EPHA6: variants seen among roughly 807,000 people sequenced by gnomAD.
EPHA6 encodes the protein EPH receptor A6, also known as ephrin type-A receptor 6.
In EPHA6, 50 loss-of-function variants were observed where a neutral mutation model predicts 112.0. The observed-to-expected ratio is 0.45, with a 90% CI of 0.36 to 0.56. The LOEUF (loss-of-function observed/expected upper bound fraction) is 0.56. EPHA6 is among the 20% of genes least tolerant of loss of function. The probability of loss-of-function intolerance (pLI) is 0.00; values close to 1 mark genes in which losing one functional copy is unlikely to be tolerated. For synonymous variants in EPHA6, 529 were observed against 490.7 expected, an observed-to-expected ratio of 1.08 and a Z score of -1.03; for missense variants, 1,280 against 1,417.4, an observed-to-expected ratio of 0.90 and a Z score of 1.56.
chr3:97,368,590 T>G (rs919025655), intron 5 of EPHA6, among the ~76,000 whole-genome samples: 4 of 152,192 alleles, frequency 2.6e-5, no homozygotes, highest in African/African-American at 9.6e-5. Flanking sequence ...TACACTTATT[T>G]ATCGAAGAAT....
chr3:97,012,303 C>T (rs557791459), intron 3 of EPHA6, among the ~76,000 whole-genome samples: 326 of 151,522 alleles, frequency 2.2e-3, no homozygotes, highest in African/African-American at 7.5e-3. Context: ...TTCTTTGCAG[C>T]CTCACCAGCA....
intron 6 of EPHA6, among the ~76,000 whole-genome samples, chr3:97,423,143 G>A (rs1040008046): frequency 2.4e-4 from 36 of 152,178 alleles, no homozygotes; most frequent in African/African-American, 2.4e-5. Flanking sequence ...ACTACTGGAA[G>A]TAGCAGCTAG....
In EPHA6 at chr3:97,502,030, A is replaced by G. The variant is rs545701622; in HGVS notation, c.2200+17971A>G. On this transcript the variant is annotated intron_variant, in intron 10 of 17. Transcript: ENST00000389672. ...CAAGACAAGATGATGGATCCTCACG[A>G]CATTACCCCCTATACCCAGGGCTTA... Among the ~76,000 whole-genome samples, 20 of 152,058 alleles carry G rather than the reference A, an allele frequency of 1.3e-4. No individual in the cohort carries two copies. In the South Asian group the frequency reaches 4.2e-3, roughly 32 times the overall value.
intron 14 of EPHA6, among the ~76,000 whole-genome samples, chr3:97,656,889 T>C (rs1409079876): frequency 6.6e-6 from 1 of 151,962 alleles, no homozygotes; most frequent in Admixed American, 6.6e-5. Context: ...TTTGCTTCTT[T>C]AAACTTGCAA....
At chr3:97,694,299 T>C (rs2032873007) in intron 14 of EPHA6, among the ~76,000 whole-genome samples, 1 of 151,940 alleles carries the variant, frequency 6.6e-6, no homozygotes, top group South Asian at 2.1e-4. Flanking sequence ...TGCAATGGCG[T>C]GATCTCGGCT....
chr3:96,841,543 T>A (rs1013911128), intron 1 of EPHA6, among the ~76,000 whole-genome samples: 1 of 152,026 alleles, frequency 6.6e-6, no homozygotes, highest in Non-Finnish European at 1.5e-5. Flanking sequence ...TGTGTTACAT[T>A]AAGTGCCAGT....
At chr3:97,350,046 T>C (rs1166051572) in intron 5 of EPHA6, among the ~76,000 whole-genome samples, 2 of 151,904 alleles carry the variant, frequency 1.3e-5, no homozygotes, top group African/African-American at 4.8e-5. Flanking sequence ...GTAACTCCCA[T>C]GGTTTGTTTC....
intron 4 of EPHA6, among the ~76,000 whole-genome samples, chr3:97,226,657 T>C (rs2078365361): frequency 1.3e-5 from 2 of 152,214 alleles, no homozygotes; most frequent in African/African-American, 4.8e-5. Context: ...ATGCCAGCAC[T>C]GGTTTGAGGC....
At chr3:97,276,113 G>T (rs1250829455) in intron 5 of EPHA6, among the ~76,000 whole-genome samples, 1 of 152,106 alleles carries the variant, frequency 6.6e-6, no homozygotes, top group Admixed American at 6.5e-5. Flanking sequence ...TGAAAAGAAG[G>T]TAATATGGAA....
intron 1 of EPHA6, among the ~76,000 whole-genome samples, chr3:96,847,477 A>G (rs901664840): frequency 2.0e-5 from 3 of 152,026 alleles, no homozygotes; most frequent in Non-Finnish European, 4.4e-5. Flanking sequence ...ATGTTTCTTC[A>G]TTGCTGTTGT....
At chr3:97,593,879 G>C (rs764251233) in intron 12 of EPHA6, among the ~76,000 whole-genome samples, 3 of 152,114 alleles carry the variant, frequency 2.0e-5, no homozygotes, top group African/African-American at 7.2e-5. Flanking sequence ...AAAATTACAC[G>C]AGTTAAAAGA....
At chr3:97,363,092 A>G (rs929806316) in intron 5 of EPHA6, among the ~76,000 whole-genome samples, 9 of 146,422 alleles carry the variant, frequency 6.1e-5, no homozygotes, top group African/African-American at 2.0e-4. Flanking sequence ...TCTACACACA[A>G]CAACAGTTCT....
chr3:97,105,806 TAAG>T (rs2047550373), intron 3 of EPHA6, among the ~76,000 whole-genome samples: 1 of 152,164 alleles, frequency 6.6e-6, no homozygotes, highest in Non-Finnish European at 1.5e-5. Context: ...TGTAGGTCTC[TAAG>T]AACTTGTTTT....
At chr3:97,251,385 C>T (rs1480879958) in intron 5 of EPHA6, among the ~76,000 whole-genome samples, 1 of 151,854 alleles carries the variant, frequency 6.6e-6, no homozygotes, top group African/African-American at 2.4e-5. Context: ...AAAAAATTAG[C>T]CGGGCGTGGT....
intron 15 of EPHA6, among the ~76,000 whole-genome samples, chr3:97,723,490 G>A (rs1274578143): frequency 6.6e-6 from 1 of 152,160 alleles, no homozygotes; most frequent in Non-Finnish European, 1.5e-5. Context: ...GCTGCAGCCA[G>A]GAATAGAGTT....
At chr3:97,165,272 A>T (rs986290007) in intron 3 of EPHA6, among the ~76,000 whole-genome samples, 3 of 152,146 alleles carry the variant, frequency 2.0e-5, no homozygotes, top group Non-Finnish European at 4.4e-5. Flanking sequence ...ACTCTCCAAC[A>T]AAATGCAACC....
intron 2 of EPHA6, among the ~76,000 whole-genome samples, chr3:96,912,680 TGG>T (rs2039278107): frequency 6.6e-6 from 1 of 152,110 alleles, no homozygotes. Flanking sequence ...CTTGAACTCC[TGG>T]GTTTAAGCAG....
chr3:97,285,890 C>T (rs2080449512), intron 5 of EPHA6, among the ~76,000 whole-genome samples: 3 of 152,156 alleles, frequency 2.0e-5, no homozygotes, highest in Admixed American at 6.5e-5. Context: ...CACATCCTCA[C>T]CAGCATGTAC....
chr3:96,889,350 T>C (rs2037820737), intron 2 of EPHA6, among the ~76,000 whole-genome samples: 1 of 152,126 alleles, frequency 6.6e-6, no homozygotes, highest in Admixed American at 6.5e-5. Flanking sequence ...TTAGTGCATT[T>C]TCCGACTGCT....
Sources: gnomAD v4.1 joint callset for allele counts (sites outside exome capture counted in the v4.1 genomes callset) on GRCh38, gnomAD v4.1.1 for gene constraint, MANE v1.5 for transcripts, NCBI Gene and HGNC (gene_info 2026-07-23, HGNC 2026-07-21) for gene names.